The following KIRREL3 variants were observed in gnomAD, a reference collection of about 807,000 sequenced individuals.
KIRREL3 encodes the protein kin of IRRE-like protein 3.
Under a neutral mutation model 89.7 loss-of-function variants are expected in KIRREL3, and 36 were observed. The observed-to-expected ratio is 0.40, with a 90% CI of 0.31 to 0.53. The LOEUF (loss-of-function observed/expected upper bound fraction) is 0.53, where lower values mean the gene tolerates loss of function less well. Among genes scored for constraint, KIRREL3 ranks in the 20% least tolerant of loss-of-function variants. The pLI is 0.49. For missense variants in KIRREL3, 864 were observed against 1,056.6 expected, an observed-to-expected ratio of 0.82 and a Z score of 2.53; for synonymous variants, 445 against 441.4, an observed-to-expected ratio of 1.01 and a Z score of -0.10.
intron 2 of KIRREL3, among the ~76,000 whole-genome samples, chr11:126,539,307 C>T (rs1348191528): frequency 1.3e-5 from 2 of 152,136 alleles, no homozygotes; most frequent in Non-Finnish European, 2.9e-5. Context: ...CTTAGTACAG[C>T]GCAAATCTAG....
chr11:126,998,881 C>G (rs1329786932), intron 1 of KIRREL3, among the ~76,000 whole-genome samples: 1 of 151,240 alleles, frequency 6.6e-6, no homozygotes, highest in Non-Finnish European at 1.5e-5. Context: ...ATCAAAACTT[C>G]CTGAGTGAAC....
Position 126,628,858 on chromosome 11 carries a change from T to C in KIRREL3, c.56-65946A>G, listed in dbSNP as rs1336821901. On this transcript the variant is annotated intron_variant, in intron 1 of 16. Transcript: ENST00000525144. This position sits in a 1 kb window ranked among gnomAD's most constrained non-coding sequence, Gnocchi z 5.2. ...CCATCCTGAGGAGAGTCTGAGCAAC[T>C]GAGGATGTTGTGAAAGCATCTGACA... Among the ~76,000 whole-genome samples the C allele has an allele frequency of 6.6e-6, 1 of 152,138 alleles. No individual in the cohort carries two copies. Among genetic ancestry groups the C allele is most frequent in the African/African-American group, 2.4e-5 (1 of 41,422 alleles).
In KIRREL3 at chr11:126,994,147, G is replaced by T. The variant is rs957986793; in HGVS notation, c.55+6308C>A. ...AGAGCATAGCTCCCATTTGAGAAAA[G>T]TGGCTGATTCTGGAGATATCACACT... On this transcript the variant is annotated intron_variant, in intron 1 of 16. Coordinates refer to ENST00000525144, the MANE Select transcript of KIRREL3 (RefSeq NM_032531.4). The surrounding 1 kb of genome is among the most constrained non-coding windows in gnomAD (Gnocchi z 5.2). Among the ~76,000 whole-genome samples, 1 of 152,158 alleles carries T rather than the reference G, an allele frequency of 6.6e-6. No individual in the cohort carries two copies. Among genetic ancestry groups the T allele is most frequent in the African/African-American group, 2.4e-5 (1 of 41,446 alleles).
chr11:126,889,607 A>G (rs1348494942), intron 1 of KIRREL3, among the ~76,000 whole-genome samples: 1 of 152,254 alleles, frequency 6.6e-6, no homozygotes, highest in Non-Finnish European at 1.5e-5. Context: ...TAAATGGACA[A>G]ATATATTACA....
At position 126,519,625 on chromosome 11, in the gene KIRREL3, G is replaced by A. The variant is rs971354321; in HGVS notation, c.433+1690C>T. ...CAATGCTCAGGTTCCTGTGGTTCCA[G>A]CATCCTCTGGCCCCTCTAGAAGGTG... On this transcript the variant is annotated intron_variant, in intron 4 of 16. Coordinates refer to ENST00000525144, the MANE Select transcript of KIRREL3 (RefSeq NM_032531.4). The surrounding 1 kb of genome is among the most constrained non-coding windows in gnomAD (Gnocchi z 4.3). Among the ~76,000 whole-genome samples the A allele has an allele frequency of 1.3e-4, 20 of 152,158 alleles. No individual in the cohort carries two copies. Among genetic ancestry groups the A allele is most frequent in the Non-Finnish European group, 8.8e-5 (6 of 68,042 alleles).
chr11:126,537,216 G>A lies in KIRREL3; in HGVS notation c.134-10529C>T, dbSNP rs1052680324. On this transcript the variant is annotated intron_variant, in intron 2 of 16. Coordinates refer to ENST00000525144, the MANE Select transcript of KIRREL3 (RefSeq NM_032531.4). The surrounding 1 kb of genome is among the most constrained non-coding windows in gnomAD (Gnocchi z 4.3). The stretch of plus-strand genomic sequence containing the variant: ...TGCTGACACATGCACACACCCGCCT[G>A]CATGCCTGTGAGTGTGGGCAGCCCA... Among the ~76,000 whole-genome samples the A allele has an allele frequency of 6.6e-6, 1 of 152,178 alleles. No individual in the cohort carries two copies. The highest frequency in any genetic ancestry group is 2.4e-5 in the African/African-American group (1 of 41,426).
At chr11:126,825,618 A>G (rs1344210445) in intron 1 of KIRREL3, among the ~76,000 whole-genome samples, 2 of 152,242 alleles carry the variant, frequency 1.3e-5, no homozygotes, top group Non-Finnish European at 2.9e-5. Flanking sequence ...TTTGTTGTCT[A>G]TACTTACAAG....
At chr11:126,713,283 G>C (rs1565670907) in intron 1 of KIRREL3, among the ~76,000 whole-genome samples, 1 of 152,228 alleles carries the variant, frequency 6.6e-6, no homozygotes, top group Non-Finnish European at 1.5e-5. Flanking sequence ...AAGCCAGAGA[G>C]AGCCTCATGC....
In KIRREL3 at chr11:126,978,130, T is replaced by C. The variant is rs1002612992; in HGVS notation, c.55+22325A>G. Among the ~76,000 whole-genome samples the C allele has an allele frequency of 6.6e-6, 1 of 152,168 alleles. No individual in the cohort carries two copies. Among genetic ancestry groups the C allele is most frequent in the Non-Finnish European group, 1.5e-5 (1 of 68,018 alleles). On this transcript the variant is annotated intron_variant, in intron 1 of 16. Transcript: ENST00000525144. This position sits in a 1 kb window ranked among gnomAD's most constrained non-coding sequence, Gnocchi z 4.2. ...GGATAATGGTCAGCACATTGTGGCG[T>C]TGGATTTTTCTGCTACTTAAATTTA...
In KIRREL3 at chr11:126,791,952, T is replaced by C. The variant is rs1319823814; in HGVS notation, c.55+208503A>G. On this transcript the variant is annotated intron_variant, in intron 1 of 16. Transcript: ENST00000525144. This position sits in a 1 kb window ranked among gnomAD's most constrained non-coding sequence, Gnocchi z 4.8. ...TGCTTTCAAAGAAAAACAGGTGAAA[T>C]TCATTGGTGGTGTGGTTCTCCTCTT... Among the ~76,000 whole-genome samples the C allele has an allele frequency of 6.7e-6, 1 of 149,698 alleles. No homozygotes were observed. Among genetic ancestry groups the C allele is most frequent in the Non-Finnish European group, 1.5e-5 (1 of 68,004 alleles).
In KIRREL3 at chr11:126,923,175, T is replaced by C. The variant is rs1476122514; in HGVS notation, c.55+77280A>G. The stretch of plus-strand genomic sequence containing the variant: ...TTCTTCTTCTTCTTCTTCTTCTTCT[T>C]CTCTTCTTCTTCTCTTCTTCTTCTT... On this transcript the variant is annotated intron_variant, in intron 1 of 16. Transcript: ENST00000525144. Among the ~76,000 whole-genome samples, 28 of 7,736 alleles carry C rather than the reference T, an allele frequency of 3.6e-3. 5 individuals are homozygous for C. The highest frequency in any genetic ancestry group is 0.012 in the Admixed American group (9 of 748). 5.1% of individuals were successfully genotyped at this position (7,736 alleles called of 152,430 possible).
rs1403928933 is a variant in KIRREL3 at position 126,531,889 on chromosome 11, G to C, written c.134-5202C>G. Among the ~76,000 whole-genome samples, 3 of 152,168 alleles carry C rather than the reference G, an allele frequency of 2.0e-5. No individual in the cohort carries two copies. Among genetic ancestry groups the C allele is most frequent in the African/African-American group, 4.8e-5 (2 of 41,424 alleles). ...ACATGTGCCTTTGTACTTAGAGTTT[G>C]CCTGCTCTGGTTGGTCTGCTGAGAT... On this transcript the variant is annotated intron_variant, in intron 2 of 16. Transcript: ENST00000525144. The surrounding 1 kb of genome is among the most constrained non-coding windows in gnomAD (Gnocchi z 4.7).
At chr11:126,586,144 G>C (rs1941842228) in intron 1 of KIRREL3, among the ~76,000 whole-genome samples, 1 of 152,184 alleles carries the variant, frequency 6.6e-6, no homozygotes, top group African/African-American at 2.4e-5. Context: ...TGAGGAATGA[G>C]CTCAGATTAC....
rs568890163 is a variant in KIRREL3 at position 126,876,572 on chromosome 11, C to G, written c.55+123883G>C. Among the ~76,000 whole-genome samples the G allele has an allele frequency of 1.5e-3, 208 of 143,244 alleles. No individual in the cohort carries two copies. The highest frequency in any genetic ancestry group is 5.2e-3 in the African/African-American group (201 of 38,314). 94.0% of individuals were successfully genotyped at this position (143,244 alleles called of 152,430 possible). On this transcript the variant is annotated intron_variant, in intron 1 of 16. Transcript: ENST00000525144. The surrounding 1 kb of genome is among the most constrained non-coding windows in gnomAD (Gnocchi z 4.1). ...TTTTTTTTTGAGATGGAGTCTTGCT[C>G]TGTCACCCAGGCTGGAGTGCAGCGG...
chr11:126,938,534 A>G (rs887310616), intron 1 of KIRREL3, among the ~76,000 whole-genome samples: 1 of 152,220 alleles, frequency 6.6e-6, no homozygotes, highest in African/African-American at 2.4e-5. Flanking sequence ...GAAAGCTTAA[A>G]GGAATAAAAC....
At chr11:126,850,949 A>T (rs975268705) in intron 1 of KIRREL3, among the ~76,000 whole-genome samples, 3 of 152,220 alleles carry the variant, frequency 2.0e-5, no homozygotes, top group African/African-American at 7.2e-5. Flanking sequence ...ATACACTGCA[A>T]AATAAACCTT....
intron 1 of KIRREL3, among the ~76,000 whole-genome samples, chr11:126,794,179 A>G (rs1950732519): frequency 6.6e-6 from 1 of 152,278 alleles, no homozygotes. Flanking sequence ...GGCTGGGATT[A>G]ATTTTTAAAA....
chr11:126,810,606 A>G lies in KIRREL3; in HGVS notation c.55+189849T>C, dbSNP rs150848048. The stretch of plus-strand genomic sequence containing the variant: ...AGGAAAGACAATAAGGCCAGAGATC[A>G]TCTCTGTGCTCAGGCCCTACACCTG... On this transcript the variant is annotated intron_variant, in intron 1 of 16. Transcript: ENST00000525144. 2.3e-3 allele frequency among the ~76,000 whole-genome samples: 343 copies of G among 152,274 alleles called. 5 individuals carry two copies. The highest frequency in any genetic ancestry group is 0.01 in the East Asian group (54 of 5,178).
chr11:126,521,010 T>C lies in KIRREL3; in HGVS notation c.433+305A>G, dbSNP rs1022823682. Among the ~76,000 whole-genome samples the C allele has an allele frequency of 1.3e-5, 2 of 152,228 alleles. No homozygotes were observed. The highest frequency in any genetic ancestry group is 2.9e-5 in the Non-Finnish European group (2 of 68,030). On this transcript the variant is annotated intron_variant, in intron 4 of 16. Coordinates refer to ENST00000525144, the MANE Select transcript of KIRREL3 (RefSeq NM_032531.4). The surrounding 1 kb of genome is among the most constrained non-coding windows in gnomAD (Gnocchi z 4.1). Reference sequence around the variant, plus strand: ...TAGCCTAGATAACGTGTGCAGAGCATGCTTTCTGATGGAATAAATAAGCAT... The same window carrying C: ...TAGCCTAGATAACGTGTGCAGAGCACGCTTTCTGATGGAATAAATAAGCAT...
Sources: allele counts gnomAD v4.1 joint callset (sites outside exome capture counted in the v4.1 genomes callset), GRCh38; gene constraint gnomAD v4.1.1; non-coding constraint Gnocchi (gnomAD v3.1); transcripts MANE v1.5; gene names NCBI Gene and HGNC (gene_info 2026-07-23, HGNC 2026-07-21).